UBR3: variants seen among roughly 807,000 people sequenced by gnomAD.
UBR3 encodes ubiquitin protein ligase E3 component n-recognin 3.
UBR3 carries 85 observed loss-of-function variants against 243.2 expected under a neutral mutation model. That is an observed-to-expected ratio of 0.35 (90% CI 0.29 to 0.42). The LOEUF is 0.42. UBR3 is among the 10% of genes least tolerant of loss of function. The pLI is 1.00. For synonymous variants in UBR3, 748 were observed against 799.8 expected, an observed-to-expected ratio of 0.94 and a Z score of 1.09; for missense variants, 1,686 against 2,300.8, an observed-to-expected ratio of 0.73 and a Z score of 5.47.
chr2:170,080,213 T>A, intron 37 of UBR3, 190 bp downstream of exon 37: 1 of 610,980 alleles, frequency 1.6e-6, no homozygotes, highest in Non-Finnish European at 2.8e-6. Context: ...GAGTAAATCC[T>A]TCCTTAAGTA....
chr2:169,879,036 A>T (rs1046805796), intron 5 of UBR3, among the ~76,000 whole-genome samples: 4 of 151,912 alleles, frequency 2.6e-5, no homozygotes, highest in Admixed American at 6.6e-5. Context: ...ATTTTTTTTT[A>T]AAACTATGTA....
At chr2:169,917,955 G>A (rs1334321683) in intron 11 of UBR3, among the ~76,000 whole-genome samples, 6 of 152,108 alleles carry the variant, frequency 3.9e-5, no homozygotes, top group Non-Finnish European at 5.9e-5. Context: ...CACCCACCTC[G>A]GCCTCCCAAA....
chr2:169,838,763 G>A (rs1406241165), intron 1 of UBR3, among the ~76,000 whole-genome samples: 1 of 152,140 alleles, frequency 6.6e-6, no homozygotes. Context: ...CAGCTCAAAA[G>A]TCTAAAGTTG....
Position 169,895,231 on chromosome 2 carries a change from T to C in UBR3, c.1156T>C (p.Leu386=). 3 of 1,542,274 alleles carry C rather than the reference T, an allele frequency of 1.9e-6. No individual in the cohort carries two copies. The highest frequency in any genetic ancestry group is 2.6e-6 in the Non-Finnish European group (3 of 1,144,710). The stretch of plus-strand genomic sequence containing the variant: ...GCATAAAAGCTTCCTAGAAGAACTA[T>C]TATTTTGGACTATAAAATATGAATT... ...LKHKSFLEEL[L]FWTIKYEFPQ... is the part of the protein sequence containing the mutation. The change falls in exon 7 of 39, where the codon TTA becomes CTA. Residue 386 remains leucine, a synonymous_variant. Coordinates refer to ENST00000272793, the MANE Select transcript of UBR3 (RefSeq NM_172070.4).
chr2:169,917,228 TG>T (rs545742083), intron 11 of UBR3, among the ~76,000 whole-genome samples: 11 of 152,194 alleles, frequency 7.2e-5, no homozygotes, highest in Non-Finnish European at 1.6e-4. Flanking sequence ...GCTTAAATTT[TG>T]TTTATGCAAA....
intron 5 of UBR3, among the ~76,000 whole-genome samples, chr2:169,883,711 T>G (rs1021355454): frequency 1.3e-5 from 2 of 152,214 alleles, no homozygotes; most frequent in African/African-American, 4.8e-5. Context: ...ATACAACTGA[T>G]AAAGTAATGC....
At chr2:170,074,971 C>T (rs557340432) in intron 36 of UBR3, among the ~76,000 whole-genome samples, 12 of 152,026 alleles carry the variant, frequency 7.9e-5, no homozygotes, top group East Asian at 3.9e-4. Flanking sequence ...AGAAATAGAA[C>T]GTATTAAAGG....
chr2:170,072,314 T>C (rs1400962586), intron 35 of UBR3, among the ~76,000 whole-genome samples: 1 of 151,210 alleles, frequency 6.6e-6, no homozygotes, highest in African/African-American at 2.4e-5. Context: ...CAGTAAACTA[T>C]CACAAGAACA....
chr2:169,970,393 T>G (rs2088069078), intron 24 of UBR3, among the ~76,000 whole-genome samples: 1 of 30 alleles, frequency 0.033, no homozygotes, highest in African/African-American at 0.083. Flanking sequence ...TACATATGTA[T>G]ACATTGTGTC....
At chr2:169,996,531 G>T (rs1428041203) in intron 26 of UBR3, among the ~76,000 whole-genome samples, 1 of 152,022 alleles carries the variant, frequency 6.6e-6, no homozygotes, top group Non-Finnish European at 1.5e-5. Flanking sequence ...AGACAGTTTG[G>T]GTTAGGTAAT....
intron 1 of UBR3, among the ~76,000 whole-genome samples, chr2:169,857,064 G>GTTTTGTTTTTTTTTT (rs1255937396): frequency 1.4e-4 from 8 of 56,092 alleles, no homozygotes; most frequent in East Asian, 8.7e-4. Context: ...ATTTTATTAT[G>GTTTTGTTTTTTTTTT]TTTTTTTTTT....
chr2:170,063,094 T>G (rs1430045576), intron 35 of UBR3, among the ~76,000 whole-genome samples: 2 of 151,954 alleles, frequency 1.3e-5, no homozygotes, highest in African/African-American at 4.8e-5. Flanking sequence ...AATAGACAGA[T>G]GGGAACAGAA....
rs547069234 is a variant in UBR3 at position 169,927,108 on chromosome 2, T to C, written c.2338+137T>C. 1,017 of 1,172,556 alleles carry C rather than the reference T, an allele frequency of 8.7e-4. 10 individuals are homozygous for C. The South Asian group carries it at 0.015, about 17-fold the overall frequency. 72.6% of individuals were successfully genotyped at this position (1,172,556 alleles called of 1,614,324 possible). Reference sequence around the variant, plus strand: ...AACAATGTTTCAAACTCTTGATATGTTGTACTGTAGGTATACCTTTTAGAA... The same window carrying C: ...AACAATGTTTCAAACTCTTGATATGCTGTACTGTAGGTATACCTTTTAGAA... On this transcript the variant is annotated intron_variant, in intron 16 of 38. Coordinates refer to ENST00000272793, the MANE Select transcript of UBR3 (RefSeq NM_172070.4).
chr2:169,945,421 G>T (rs1226024042), intron 20 of UBR3, among the ~76,000 whole-genome samples: 1 of 152,088 alleles, frequency 6.6e-6, no homozygotes, highest in Non-Finnish European at 1.5e-5. Flanking sequence ...TTTAATTGTG[G>T]TAGGTTAGGT....
chr2:169,958,550 A>C lies in UBR3; in HGVS notation c.3634+24A>C, dbSNP rs768720368. 32 of 1,592,406 alleles carry C rather than the reference A, an allele frequency of 2.0e-5. No homozygotes were observed. The South Asian group carries it at 3.1e-4, about 15-fold the overall frequency. On this transcript the variant is annotated intron_variant, in intron 24 of 38. Transcript: ENST00000272793. ...TGGTAAGTCAAAATTATTAGTTTAG[A>C]ACTCTCATAATTATACTTATTACTT...
intron 1 of UBR3, among the ~76,000 whole-genome samples, chr2:169,841,771 G>T (rs530818277): frequency 6.8e-4 from 103 of 152,342 alleles, no homozygotes; most frequent in African/African-American, 2.3e-3. Context: ...GCCTTCCCGC[G>T]GGGCAGGGCT....
At chr2:169,926,481 C>T (rs1176988993) in intron 14 of UBR3, among the ~76,000 whole-genome samples, 1 of 151,854 alleles carries the variant, frequency 6.6e-6, no homozygotes, top group Non-Finnish European at 1.5e-5. Flanking sequence ...CCCAGCTACT[C>T]GGGAGACTGG....
At chr2:169,948,609 T>C (rs1456830898) in intron 22 of UBR3, among the ~76,000 whole-genome samples, 6 of 152,048 alleles carry the variant, frequency 3.9e-5, no homozygotes, top group Non-Finnish European at 2.9e-5. Flanking sequence ...TCTTGGTCTT[T>C]GACAACGTGT....
chr2:169,875,417 C>T (rs2083570762), intron 2 of UBR3, among the ~76,000 whole-genome samples: 1 of 152,164 alleles, frequency 6.6e-6, no homozygotes, highest in African/African-American at 2.4e-5. Flanking sequence ...GCCACCTTCA[C>T]CTCCAGGCTT....
Sources: gnomAD v4.1 joint callset for allele counts (sites outside exome capture counted in the v4.1 genomes callset) on GRCh38, gnomAD v4.1.1 for gene constraint, MANE v1.5 for transcripts, NCBI Gene and HGNC (gene_info 2026-07-23, HGNC 2026-07-21) for gene names.